Variants in CFAP299 observed in about 807,000 individuals in gnomAD.
CFAP299 encodes the protein cilia and flagella associated protein 299, also known as cilia- and flagella-associated protein 299.
Under a neutral mutation model 27.0 loss-of-function variants are expected in CFAP299, and 21 were observed. That is an observed-to-expected ratio of 0.78 (90% CI 0.55 to 1.12). The LOEUF (loss-of-function observed/expected upper bound fraction) is 1.12. Among genes scored for constraint, CFAP299 ranks in the 50% most tolerant of loss-of-function variants. The pLI is 0.00. For missense variants in CFAP299, 310 were observed against 276.6 expected (o/e 1.12, Z -0.86); for synonymous variants, 104 against 98.1 (o/e 1.06, Z -0.36).
At chr4:80,917,590 A>G (rs1460222314) in intron 4 of CFAP299, among the ~76,000 whole-genome samples, 1 of 152,108 alleles carries the variant, frequency 6.6e-6, no homozygotes, top group Non-Finnish European at 1.5e-5. Context: ...ATTTTGGCTA[A>G]CCTTTAGATA....
At chr4:80,583,509 C>T (rs1394798934) in intron 3 of CFAP299, among the ~76,000 whole-genome samples, 3 of 151,822 alleles carry the variant, frequency 2.0e-5, no homozygotes, top group African/African-American at 4.8e-5. Flanking sequence ...TCCCAAGTTG[C>T]ATCACCCACT....
At chr4:80,750,384 T>C (rs1724864334) in intron 3 of CFAP299, among the ~76,000 whole-genome samples, 2 of 152,130 alleles carry the variant, frequency 1.3e-5, no homozygotes, top group Non-Finnish European at 2.9e-5. Flanking sequence ...ATTACTGGGT[T>C]TACAGATGAA....
At chr4:80,725,789 C>T (rs1276849122) in intron 3 of CFAP299, among the ~76,000 whole-genome samples, 1 of 152,166 alleles carries the variant, frequency 6.6e-6, no homozygotes, top group Non-Finnish European at 1.5e-5. Flanking sequence ...ATCTGATCCT[C>T]GTGCTTGACT....
chr4:80,599,606 C>A (rs930886069), intron 3 of CFAP299, among the ~76,000 whole-genome samples: 5 of 151,952 alleles, frequency 3.3e-5, no homozygotes, highest in Admixed American at 2.6e-4. Context: ...TTCAAAATTG[C>A]AGAGGTATTG....
At chr4:80,928,071 C>G (rs1286979163) in intron 4 of CFAP299, among the ~76,000 whole-genome samples, 3 of 152,102 alleles carry the variant, frequency 2.0e-5, no homozygotes, top group African/African-American at 7.2e-5. Flanking sequence ...ACTTGATGAT[C>G]TCTCTCCAGA....
At chr4:80,512,907 A>G (rs1378785875) in intron 2 of CFAP299, among the ~76,000 whole-genome samples, 1 of 152,140 alleles carries the variant, frequency 6.6e-6, no homozygotes, top group Non-Finnish European at 1.5e-5. Flanking sequence ...AATGATAATG[A>G]TTAAAATAAA....
At chr4:80,870,261 G>A (rs1733005436) in intron 4 of CFAP299, 126 bp downstream of exon 4, 1 of 1,299,788 alleles carries the variant, frequency 7.7e-7, no homozygotes, top group Admixed American at 3.2e-5. Context: ...TTATTAATAT[G>A]AAAATAACTA....
intron 3 of CFAP299, among the ~76,000 whole-genome samples, chr4:80,823,277 C>G (rs776152594): frequency 1.3e-5 from 2 of 152,132 alleles, no homozygotes; most frequent in Non-Finnish European, 2.9e-5. Flanking sequence ...AGGCCTTCAC[C>G]TGCCTCCCTC....
intron 1 of CFAP299, among the ~76,000 whole-genome samples, chr4:80,346,884 A>T (rs1481958409): frequency 6.6e-6 from 1 of 152,142 alleles, no homozygotes; most frequent in Non-Finnish European, 1.5e-5. Context: ...TTTTCACAAT[A>T]TTGATTCTTC....
chr4:80,388,511 A>G, intron 2 of CFAP299: 1 of 1,425,264 alleles, frequency 7.0e-7, no homozygotes, highest in Non-Finnish European at 9.8e-7. Flanking sequence ...CTTGTGGGTC[A>G]TAAACACTGG....
chr4:80,395,694 G>A (rs1297456569), intron 2 of CFAP299, among the ~76,000 whole-genome samples: 1 of 152,080 alleles, frequency 6.6e-6, no homozygotes, highest in Non-Finnish European at 1.5e-5. Flanking sequence ...TTTAAAAATG[G>A]GATGATGTAA....
At chr4:80,845,713 C>G (rs1454544162) in intron 3 of CFAP299, among the ~76,000 whole-genome samples, 1 of 152,236 alleles carries the variant, frequency 6.6e-6, no homozygotes, top group East Asian at 1.9e-4. Flanking sequence ...TCCAATTAAT[C>G]TCAACTTTAT....
At chr4:80,710,099 G>T (rs1240956461) in intron 3 of CFAP299, among the ~76,000 whole-genome samples, 1 of 152,050 alleles carries the variant, frequency 6.6e-6, no homozygotes, top group Admixed American at 6.6e-5. Flanking sequence ...AGGTTCAAAG[G>T]GGGAAGAAGT....
intron 2 of CFAP299, among the ~76,000 whole-genome samples, chr4:80,458,302 A>G (rs1016696268): frequency 2.0e-5 from 3 of 152,240 alleles, no homozygotes; most frequent in Non-Finnish European, 2.9e-5. Flanking sequence ...TGAAGAATCT[A>G]GTTCCGTGTC....
intron 3 of CFAP299, among the ~76,000 whole-genome samples, chr4:80,591,202 C>CA (rs1485787550): frequency 7.1e-6 from 1 of 140,970 alleles, no homozygotes; most frequent in Non-Finnish European, 1.5e-5. Context: ...AGGCTCACTG[C>CA]AAGCTCCGCC....
At chr4:80,917,721 A>T (rs924073043) in intron 4 of CFAP299, among the ~76,000 whole-genome samples, 2 of 152,164 alleles carry the variant, frequency 1.3e-5, no homozygotes, top group African/African-American at 4.8e-5. Flanking sequence ...GAAAGATTTC[A>T]TACAGCAGAA....
intron 2 of CFAP299, among the ~76,000 whole-genome samples, chr4:80,450,633 C>A (rs1340566014): frequency 6.6e-6 from 1 of 151,840 alleles, no homozygotes; most frequent in African/African-American, 2.4e-5. Context: ...ATGAAGAATT[C>A]TTTTTAAACT....
chr4:80,410,755 C>G (rs1001169916), intron 2 of CFAP299, among the ~76,000 whole-genome samples: 3 of 152,176 alleles, frequency 2.0e-5, no homozygotes, highest in Non-Finnish European at 4.4e-5. Flanking sequence ...TCTCCTTTCA[C>G]AGATAACGAA....
intron 4 of CFAP299, among the ~76,000 whole-genome samples, chr4:80,887,329 A>G (rs988655041): frequency 1.1e-4 from 16 of 152,188 alleles, no homozygotes; most frequent in African/African-American, 3.9e-4. Flanking sequence ...TCCTAAAAGC[A>G]GCAAGAGAGA....
Sources: gnomAD v4.1 joint callset for allele counts (sites outside exome capture counted in the v4.1 genomes callset) on GRCh38, gnomAD v4.1.1 for gene constraint, MANE v1.5 for transcripts, NCBI Gene and HGNC (gene_info 2026-07-23, HGNC 2026-07-21) for gene names.